The following NEIL3 variants were observed in gnomAD, a reference collection of about 807,000 sequenced individuals.
The protein encoded by NEIL3 is nei like DNA glycosylase 3.
In NEIL3, 48 loss-of-function variants were observed where a neutral mutation model predicts 57.5. The ratio of observed to expected loss-of-function variants is 0.83; its 90% CI spans 0.66 to 1.06. The LOEUF is 1.06. Among genes scored for constraint, NEIL3 ranks in the 50% least tolerant of loss-of-function variants. NEIL3 has a pLI of 0.00. For missense variants in NEIL3, 717 were observed against 739.1 expected, an observed-to-expected ratio of 0.97 and a Z score of 0.35; for synonymous variants, 261 against 253.2, an observed-to-expected ratio of 1.03 and a Z score of -0.29.
At chr4:177,316,606 G>A (rs1031329572) in intron 1 of NEIL3, among the ~76,000 whole-genome samples, 1 of 151,996 alleles carries the variant, frequency 6.6e-6, no homozygotes, top group African/African-American at 2.4e-5. Context: ...ATGGTGGGAG[G>A]GGAAGAAGTG....
intron 4 of NEIL3, among the ~76,000 whole-genome samples, chr4:177,336,721 AC>A (rs756602953): frequency 6.2e-4 from 95 of 152,346 alleles, no homozygotes; most frequent in Non-Finnish European, 1.1e-3. Flanking sequence ...CTAGAACGTG[AC>A]CTGTGGTGTA....
At position 177,341,501 on chromosome 4, in the gene NEIL3, C is replaced by T. The variant is rs777037764; in HGVS notation, c.728C>T (p.Ser243Phe). ...TGCCGTAAAGCAGGACTTGCTCTCT[C>T]TAAACACTATAAGGTTTACAAGCGT... ...YRCRKAGLAL[S>F]KHYKVYKRPN... Residue 243 changes from serine (S) to phenylalanine (F), a missense_variant, in exon 6 of 10, where the codon TCT becomes TTT. By Grantham distance (155) the Ser-to-Phe change is radical (BLOSUM62 -2). Coordinates refer to ENST00000264596, the MANE Select transcript of NEIL3 (RefSeq NM_018248.3). 2 of 1,604,620 alleles carry T rather than the reference C, an allele frequency of 1.2e-6. No individual in the cohort carries two copies. The highest frequency in any genetic ancestry group is 2.7e-5 in the African/African-American group (2 of 73,990).
intron 2 of NEIL3, among the ~76,000 whole-genome samples, chr4:177,330,591 C>A (rs934264063): frequency 3.3e-5 from 5 of 151,922 alleles, no homozygotes; most frequent in Admixed American, 2.0e-4. Flanking sequence ...ATGAATGACA[C>A]CAAAAATTGG....
At chr4:177,318,172 T>C (rs1734609827) in intron 1 of NEIL3, among the ~76,000 whole-genome samples, 1 of 152,126 alleles carries the variant, frequency 6.6e-6, no homozygotes, top group Non-Finnish European at 1.5e-5. Flanking sequence ...TGGGGGAAAA[T>C]CTCTGGTAGA....
Position 177,321,643 on chromosome 4 carries a change from A to G in NEIL3, c.157-816A>G, listed in dbSNP as rs1453702863. On this transcript the variant is annotated intron_variant, in intron 1 of 9. Transcript: ENST00000264596. ...TCGAATATCTTATAGGATTCTGCCT[A>G]TATGTTGTCATTCTAACAATATATT... Among the ~76,000 whole-genome samples the G allele has an allele frequency of 3.9e-5, 6 of 152,258 alleles. No homozygotes were observed. In the East Asian group the frequency reaches 9.6e-4, roughly 24 times the overall value.
At chr4:177,341,727 G>C in intron 6 of NEIL3, 85 bp downstream of exon 6, 2 of 1,152,816 alleles carry the variant, frequency 1.7e-6, no homozygotes, top group South Asian at 3.2e-5. Context: ...CTGAATAACT[G>C]TCAGGCTATT....
intron 2 of NEIL3, among the ~76,000 whole-genome samples, chr4:177,334,076 T>C (rs569374653): frequency 6.6e-6 from 1 of 151,982 alleles, no homozygotes; most frequent in Admixed American, 6.6e-5. Context: ...TTATGAGGAA[T>C]CCTGAAAAGC....
At chr4:177,333,960 T>C (rs1239477692) in intron 2 of NEIL3, among the ~76,000 whole-genome samples, 1 of 152,174 alleles carries the variant, frequency 6.6e-6, no homozygotes, top group Non-Finnish European at 1.5e-5. Flanking sequence ...GGTTGGCAGG[T>C]AGACTTCTAT....
rs752651163 is a variant in NEIL3, at chr4:177,336,266, G to A, written c.572G>A (p.Gly191Glu). 2.0e-5 allele frequency: 33 copies of A among 1,614,060 alleles called. No individual in the cohort carries two copies. Among genetic ancestry groups the A allele is most frequent in the Middle Eastern group, 1.6e-4 (1 of 6,084 alleles). The change falls in exon 4 of 10, where the codon GGG becomes GAG. Residue 191 changes from glycine (G) to glutamate (E), a missense_variant. Coordinates refer to ENST00000264596, the MANE Select transcript of NEIL3 (RefSeq NM_018248.3). ...GATCAGAACGTATTGCCTGGAGTAG[G>A]GAACATCATCAAAAATGAAGCTCTC... The part of the protein sequence containing the change: ...LMDQNVLPGV[G>E]NIIKNEALFD...
In NEIL3 at chr4:177,330,860, A is replaced by C. The variant is rs371147672; in HGVS notation, c.279-4828A>C. Among the ~76,000 whole-genome samples, 12 of 152,342 alleles carry C rather than the reference A, an allele frequency of 7.9e-5. No homozygotes were observed. The South Asian group carries it at 2.5e-3, about 32-fold the overall frequency. On this transcript the variant is annotated intron_variant, in intron 2 of 9. Coordinates refer to ENST00000264596, the MANE Select transcript of NEIL3 (RefSeq NM_018248.3). ...ACTGTGTATTTTATAATTAGAGTACACATTAATTTGAACTAATAACATTTC... is the reference window on the plus strand; with the variant it reads ...ACTGTGTATTTTATAATTAGAGTACCCATTAATTTGAACTAATAACATTTC...
intron 2 of NEIL3, 107 bp downstream of exon 2, chr4:177,322,687 G>A: frequency 7.8e-7 from 1 of 1,283,338 alleles, no homozygotes; most frequent in Non-Finnish European, 1.1e-6. Context: ...GAAGTACTGT[G>A]TTTTTAAGAG....
At chr4:177,343,693 TCACCC>T (rs1316081487) in intron 6 of NEIL3, 3 of 152,100 alleles carry the variant, frequency 2.0e-5, no homozygotes, top group Non-Finnish European at 4.4e-5. Flanking sequence ...CTCAGCCGCT[TCACCC>T]CGTGTTACTA....
intron 2 of NEIL3, among the ~76,000 whole-genome samples, chr4:177,322,987 T>G (rs1286856745): frequency 6.6e-6 from 1 of 152,188 alleles, no homozygotes; most frequent in Non-Finnish European, 1.5e-5. Context: ...GGCTTCCTGC[T>G]TTCTCTGAAG....
At chr4:177,325,185 C>T (rs1213860019) in intron 2 of NEIL3, among the ~76,000 whole-genome samples, 1 of 152,050 alleles carries the variant, frequency 6.6e-6, no homozygotes, top group Non-Finnish European at 1.5e-5. Context: ...ACCAGTTATG[C>T]AAGAGATAAT....
At chr4:177,354,498 GT>G (rs1457809651) in intron 8 of NEIL3, among the ~76,000 whole-genome samples, 1 of 152,084 alleles carries the variant, frequency 6.6e-6, no homozygotes, top group Admixed American at 6.6e-5. Context: ...TGACCTTTCT[GT>G]TAAAGAACGT....
chr4:177,341,334 A>T (rs1244480370), intron 5 of NEIL3, 142 bp from the exon 6 acceptor site: 1 of 544,560 alleles, frequency 1.8e-6, no homozygotes, highest in Non-Finnish European at 3.0e-6. Context: ...CTGATGAAAG[A>T]AAAGATTATA....
intron 2 of NEIL3, among the ~76,000 whole-genome samples, chr4:177,329,014 G>A (rs1442997448): frequency 6.6e-6 from 1 of 152,062 alleles, no homozygotes; most frequent in African/African-American, 2.4e-5. Flanking sequence ...ATCATTTGAA[G>A]ATTTGCATAT....
downstream of NEIL3, among the ~76,000 whole-genome samples, chr4:177,366,141 G>A (rs1340382098): frequency 6.6e-6 from 1 of 152,120 alleles, no homozygotes; most frequent in African/African-American, 2.4e-5. Context: ...ATATCTAAAG[G>A]AATATAAAAT....
intron 1 of NEIL3, among the ~76,000 whole-genome samples, chr4:177,317,151 G>T (rs543751742): frequency 1.3e-5 from 2 of 152,240 alleles, no homozygotes; most frequent in African/African-American, 4.8e-5. Flanking sequence ...CAACATGTAT[G>T]TTACAATATT....
Sources: allele counts gnomAD v4.1 joint callset (sites outside exome capture counted in the v4.1 genomes callset), GRCh38; gene constraint gnomAD v4.1.1; transcripts MANE v1.5; gene names NCBI Gene and HGNC (gene_info 2026-07-23, HGNC 2026-07-21).